STK32B: variants seen among roughly 807,000 people sequenced by gnomAD.
The protein encoded by STK32B is serine/threonine-protein kinase 32B.
A neutral mutation model predicts 52.6 loss-of-function variants in STK32B; 43 were observed. The ratio of observed to expected loss-of-function variants is 0.82; its 90% CI spans 0.64 to 1.05. The LOEUF is 1.05. Among genes scored for constraint, STK32B ranks in the 50% least tolerant of loss-of-function variants. The pLI is 0.00. For synonymous variants in STK32B, 238 were observed against 204.3 expected, an observed-to-expected ratio of 1.17 and a Z score of -1.41; for missense variants, 621 against 534.6, an observed-to-expected ratio of 1.16 and a Z score of -1.59.
intron 4 of STK32B, among the ~76,000 whole-genome samples, chr4:5,360,325 A>G (rs1237984584): frequency 3.9e-5 from 6 of 152,164 alleles, no homozygotes; most frequent in African/African-American, 1.4e-4. Flanking sequence ...CCAGCCTTCA[A>G]AGTACTCCAT....
intron 1 of STK32B, among the ~76,000 whole-genome samples, chr4:5,087,978 A>C (rs1322431231): frequency 6.6e-6 from 1 of 152,122 alleles, no homozygotes; most frequent in African/African-American, 2.4e-5. Flanking sequence ...TCCACCTAAC[A>C]ACAGCAAAAT....
intron 5 of STK32B, among the ~76,000 whole-genome samples, chr4:5,401,351 A>G (rs1488926849): frequency 6.6e-6 from 1 of 152,218 alleles, no homozygotes; most frequent in African/African-American, 2.4e-5. Context: ...CATTGGTTGC[A>G]TTGAATACTT....
chr4:5,067,283 C>T (rs971335772), intron 1 of STK32B, among the ~76,000 whole-genome samples: 1 of 152,172 alleles, frequency 6.6e-6, no homozygotes, highest in African/African-American at 2.4e-5. Context: ...CTCGGTCCCT[C>T]CCCCAACACA....
At chr4:5,428,970 A>G (rs1713331057) in intron 6 of STK32B, among the ~76,000 whole-genome samples, 1 of 152,194 alleles carries the variant, frequency 6.6e-6, no homozygotes, top group African/African-American at 2.4e-5. Flanking sequence ...TCTAACAGCT[A>G]GTTCTCTGGT....
intron 6 of STK32B, among the ~76,000 whole-genome samples, chr4:5,433,744 T>G (rs1713794111): frequency 6.6e-6 from 1 of 152,132 alleles, no homozygotes; most frequent in Non-Finnish European, 1.5e-5. Context: ...ACTGCAAATA[T>G]CAAAACCTTC....
At chr4:5,311,164 A>G (rs558701968) in intron 3 of STK32B, among the ~76,000 whole-genome samples, 1 of 152,206 alleles carries the variant, frequency 6.6e-6, no homozygotes, top group African/African-American at 2.4e-5. Context: ...CTGTACCACT[A>G]TAGAATTACT....
chr4:5,357,288 CAATGGATAAATACACGGTCCCTTTCTTCA>C (rs141579388), intron 4 of STK32B, among the ~76,000 whole-genome samples: 15,720 of 152,096 alleles, frequency 0.1, 1,282 homozygotes, highest in Admixed American at 0.22. Flanking sequence ...GTAGAAACTA[CAATGGATAAATACACGGTCCCTTTCTTCA>C]AAACCCAGAC....
the STK32B span, among the ~76,000 whole-genome samples, chr4:5,032,849 G>T: frequency 9.9e-5 from 15 of 152,048 alleles, no homozygotes; most frequent in Non-Finnish European, 1.8e-4. Flanking sequence ...GTCCTTTAGA[G>T]GCCCAGTTTG....
At chr4:5,427,089 C>T (rs1453247331) in intron 6 of STK32B, 4 of 152,090 alleles carry the variant, frequency 2.6e-5, no homozygotes, top group South Asian at 4.1e-4. Context: ...CCAATTTATT[C>T]GGTTTTTTAA....
At chr4:5,166,387 C>T (rs1172199879) in intron 2 of STK32B, among the ~76,000 whole-genome samples, 1 of 150,964 alleles carries the variant, frequency 6.6e-6, no homozygotes, top group East Asian at 1.9e-4. Context: ...CGGTGTCCCA[C>T]CCCTCCAAAT....
Position 5,416,827 on chromosome 4 carries a change from C to T in STK32B, c.473-18C>T. 6.2e-7 allele frequency: 1 copy of T among 1,611,354 alleles called. No homozygotes were observed. On this transcript the variant is annotated intron_variant, in intron 5 of 11. Coordinates refer to ENST00000282908, the MANE Select transcript of STK32B (RefSeq NM_018401.3). ...CTGCAGCCCACGCTAACTGGAGTTT[C>T]TGTTTCTGTATTTGCAGGACATGTT...
chr4:5,496,185 A>C (rs909999872), intron 11 of STK32B, among the ~76,000 whole-genome samples: 1 of 152,206 alleles, frequency 6.6e-6, no homozygotes, highest in African/African-American at 2.4e-5. Context: ...CCAGAGGTGG[A>C]GCCTACAGAG....
intron 3 of STK32B, among the ~76,000 whole-genome samples, chr4:5,215,876 A>G (rs887473306): frequency 6.6e-6 from 1 of 152,146 alleles, no homozygotes; most frequent in African/African-American, 2.4e-5. Context: ...TGGCCAGAAG[A>G]TGGACCTCCA....
Position 5,499,051 on chromosome 4 carries a change from A to G in STK32B, c.1213A>G (p.Thr405Ala), listed in dbSNP as rs980460562. ...LQDGCNNNLL[T>A]HTCTRGCSS Reference sequence around the variant, plus strand: ...GGACGGGTGCAACAACAACCTCCTCACCCACACCTGCACCCGTGGCTGCAG... The same window carrying G: ...GGACGGGTGCAACAACAACCTCCTCGCCCACACCTGCACCCGTGGCTGCAG... Residue 405 changes from threonine to alanine, a missense_variant, in exon 12 of 12, where the codon ACC (threonine) becomes GCC (alanine). Thr to Ala is a moderately conservative substitution (Grantham distance 58). Transcript: ENST00000282908. The G allele has an allele frequency of 1.9e-5, 30 of 1,613,220 alleles. No homozygotes were observed. In the Admixed American group the frequency reaches 2.8e-4, roughly 15 times the overall value.
chr4:5,389,040 C>T (rs1577431672), intron 4 of STK32B, among the ~76,000 whole-genome samples: 2 of 152,150 alleles, frequency 1.3e-5, no homozygotes, highest in South Asian at 4.1e-4. Context: ...TGACTGGATG[C>T]ATTTTCTCTC....
intron 3 of STK32B, among the ~76,000 whole-genome samples, chr4:5,176,705 A>G (rs1423294525): frequency 6.6e-6 from 1 of 152,002 alleles, no homozygotes; most frequent in Non-Finnish European, 1.5e-5. Flanking sequence ...CAGCCTCCCA[A>G]AGTACTGGGA....
chr4:5,401,686 A>G (rs529930028), intron 5 of STK32B, among the ~76,000 whole-genome samples: 3 of 152,378 alleles, frequency 2.0e-5, no homozygotes, highest in Admixed American at 2.0e-4. Context: ...AGCTGAGTGC[A>G]TTTTAGGCTG....
chr4:5,362,762 C>A (rs1019891732), intron 4 of STK32B, among the ~76,000 whole-genome samples: 2 of 152,182 alleles, frequency 1.3e-5, no homozygotes, highest in Admixed American at 1.3e-4. Flanking sequence ...GAATCCTCCC[C>A]AATTTCCACT....
Position 5,095,968 on chromosome 4 carries a change from G to GA in STK32B, c.53-43930dup, listed in dbSNP as rs34229794. 4.1e-4 allele frequency among the ~76,000 whole-genome samples: 63 copies of GA among 152,232 alleles called. No individual in the cohort carries two copies. The East Asian group carries it at 0.011, about 27-fold the overall frequency. Reference sequence around the variant, plus strand: ...GAAAAAGCTGGTTACACGTGAACTGGAAAAAAATTCTACTGGATATTATAT... The same window carrying GA: ...GAAAAAGCTGGTTACACGTGAACTGGAAAAAAAATTCTACTGGATATTATAT... On this transcript the variant is annotated intron_variant, in intron 1 of 11. Transcript: ENST00000282908.
Sources: gnomAD v4.1 joint callset for allele counts (sites outside exome capture counted in the v4.1 genomes callset) on GRCh38, gnomAD v4.1.1 for gene constraint, MANE v1.5 for transcripts, NCBI Gene and HGNC (gene_info 2026-07-23, HGNC 2026-07-21) for gene names.